The following SEC14L6 variants were observed in gnomAD, a reference collection of about 807,000 sequenced individuals.
SEC14L6 encodes the protein SEC14-like protein 6.
In SEC14L6, 40 loss-of-function variants were observed where a neutral mutation model predicts 54.1. That is an observed-to-expected ratio of 0.74 (90% confidence interval 0.57 to 0.96). The LOEUF (loss-of-function observed/expected upper bound fraction) is 0.96, where lower values mean the gene tolerates loss of function less well. SEC14L6 is among the 40% of genes least tolerant of loss of function. SEC14L6 has a pLI of 0.00. For missense variants in SEC14L6, 471 were observed against 498.3 expected (o/e 0.95, Z 0.52); for synonymous variants, 171 against 198.4 (o/e 0.86, Z 1.16).
chr22:30,541,984 G>A (rs1281532791), intron 1 of SEC14L6, among the ~76,000 whole-genome samples: 1 of 152,222 alleles, frequency 6.6e-6, no homozygotes, highest in Non-Finnish European at 1.5e-5. Context: ...CCTTGAGGAA[G>A]AAAACCAAGA....
chr22:30,532,083 A>G, intron 5 of SEC14L6, 85 bp from the exon 6 acceptor site: 1 of 1,499,044 alleles, frequency 6.7e-7, no homozygotes, highest in Non-Finnish European at 8.9e-7. Flanking sequence ...AGCCCAGGGC[A>G]CTGGCCTGGC....
At chr22:30,528,984 G>T in intron 8 of SEC14L6, 103 bp downstream of exon 8, 1 of 1,019,308 alleles carries the variant, frequency 9.8e-7, no homozygotes, top group Non-Finnish European at 1.5e-6. Flanking sequence ...AACACCAGTT[G>T]GGTGCCCTAC....
chr22:30,536,372 C>T (rs1261891292), intron 2 of SEC14L6, among the ~76,000 whole-genome samples: 1 of 152,148 alleles, frequency 6.6e-6, no homozygotes, highest in African/African-American at 2.4e-5. Context: ...TCCAGCCCTA[C>T]CGCCCACCCC....
Position 30,530,368 on chromosome 22 carries a change from T to C in SEC14L6, c.520-1019A>G, listed in dbSNP as rs562890411. Among the ~76,000 whole-genome samples the C allele has an allele frequency of 2.7e-3, 404 of 152,250 alleles. 1 individual carries two copies. The highest frequency in any genetic ancestry group is 9.1e-3 in the African/African-American group (378 of 41,548). On this transcript the variant is annotated intron_variant, in intron 6 of 11. Transcript: ENST00000402034. ...GAGGCTGCAGTGAGCCACTGCACTC[T>C]AGCCTGGGCAACAGAGTGAGACTCC...
At chr22:30,528,986 G>A in intron 8 of SEC14L6, 101 bp downstream of exon 8, 1 of 1,046,376 alleles carries the variant, frequency 9.6e-7, no homozygotes. Context: ...CACCAGTTGG[G>A]TGCCCTACAC....
At position 30,542,576 on chromosome 22, in the gene SEC14L6, G is replaced by T. The variant is rs1010242021; in HGVS notation, c.55-3674C>A. The T allele has an allele frequency of 2.1e-6, 3 of 1,446,638 alleles. No homozygotes were observed. In the East Asian group the frequency reaches 7.8e-5, roughly 38 times the overall value. The allele number at this position is 1,446,638 out of a possible 1,614,324, so 89.6% of individuals were successfully genotyped here. ...GCGGGCGGCGTAGCCGCGGCCCATG[G>T]AGCCCGCGGGCCGGTCCCCGGCCGC... On this transcript the variant is annotated intron_variant, in intron 1 of 11. Coordinates refer to ENST00000402034, the MANE Select transcript of SEC14L6 (RefSeq NM_001193336.4).
At chr22:30,537,224 C>T (rs376037718) in intron 2 of SEC14L6, among the ~76,000 whole-genome samples, 1 of 152,126 alleles carries the variant, frequency 6.6e-6, no homozygotes, top group East Asian at 1.9e-4. Flanking sequence ...GTACTAAACT[C>T]CAGCACTAGG....
chr22:30,543,278 G>T (rs2085757119), intron 1 of SEC14L6: 4 of 1,586,682 alleles, frequency 2.5e-6, no homozygotes, highest in African/African-American at 1.3e-5. Context: ...ACCTTGCGGG[G>T]GGACTCTTTT....
At chr22:30,528,024 G>T (rs546148967) in intron 8 of SEC14L6, among the ~76,000 whole-genome samples, 71 of 151,456 alleles carry the variant, frequency 4.7e-4, no homozygotes, top group Middle Eastern at 3.4e-3. Context: ...ATTGTAGTTC[G>T]CTGGGTGACA....
At chr22:30,540,095 C>T (rs1160155010) in intron 1 of SEC14L6, among the ~76,000 whole-genome samples, 1 of 152,160 alleles carries the variant, frequency 6.6e-6, no homozygotes, top group Non-Finnish European at 1.5e-5. Flanking sequence ...TCCTTGGCCC[C>T]CCACCAAAAA....
chr22:30,536,097 A>T (rs1057311649), intron 2 of SEC14L6, among the ~76,000 whole-genome samples: 1 of 151,976 alleles, frequency 6.6e-6, no homozygotes, highest in South Asian at 2.1e-4. Flanking sequence ...CCTGGACTCA[A>T]TCAATCCTCC....
chr22:30,534,011 C>A lies in SEC14L6; in HGVS notation c.159G>T (p.Glu53Asp), dbSNP rs1186876825. The A allele has an allele frequency of 1.3e-6, 2 of 1,550,676 alleles. No homozygotes were observed. The highest frequency in any genetic ancestry group is 2.7e-5 in the African/African-American group (2 of 73,052). ...QARSFDLQKS[E>D]DMLRKHMEFR... ...TCAACCTCACCTTCCTCAGCATGTC[C>A]TCTGATTTCTGCAGGTCAAAGCTCC... is the stretch of plus-strand genomic sequence containing the variant. Residue 53 changes from glutamate to aspartate, a missense_variant, in exon 3 of 12, where the codon GAG becomes GAT. By Grantham distance (45) the Glu-to-Asp change is conservative. Transcript: ENST00000402034.
In SEC14L6 at chr22:30,523,461, T is replaced by G. The variant is rs903889191; in HGVS notation, c.*1536A>C. The G allele has an allele frequency of 6.6e-6, 1 of 152,100 alleles. No individual in the cohort carries two copies. The highest frequency in any genetic ancestry group is 6.6e-5 in the Admixed American group (1 of 15,256). 9.4% of individuals were successfully genotyped at this position (152,100 alleles called of 1,614,324 possible). ...CCTCCGCCTCCTGGGTTCCACAGAT[T>G]CTCCCACCTCAGCCTCCCAAGTAGC... is the stretch of plus-strand genomic sequence containing the variant. On this transcript the variant is annotated 3_prime_UTR_variant, in exon 12 of 12. Transcript: ENST00000402034.
At chr22:30,526,375 G>A (rs972402533) in intron 8 of SEC14L6, among the ~76,000 whole-genome samples, 1 of 152,206 alleles carries the variant, frequency 6.6e-6, no homozygotes, top group African/African-American at 2.4e-5. Context: ...CCTCAGAATT[G>A]CAGGGCCAAG....
intron 1 of SEC14L6, chr22:30,542,632 G>A: frequency 1.3e-6 from 2 of 1,542,242 alleles, no homozygotes; most frequent in Non-Finnish European, 1.7e-6. Context: ...GCTGCTCCCC[G>A]CGTCCTGCGC....
chr22:30,543,139 C>A, intron 1 of SEC14L6: 1 of 1,603,602 alleles, frequency 6.2e-7, no homozygotes, highest in Non-Finnish European at 8.5e-7. Context: ...TGGGAATCAG[C>A]TCTCAGACTT....
chr22:30,543,560 G>T, intron 1 of SEC14L6: 2 of 1,613,656 alleles, frequency 1.2e-6, no homozygotes, highest in Non-Finnish European at 1.7e-6. Flanking sequence ...AAGCTCACCT[G>T]CCAGGTGGAG....
chr22:30,530,585 G>C (rs540020568), intron 6 of SEC14L6, among the ~76,000 whole-genome samples: 4 of 152,306 alleles, frequency 2.6e-5, no homozygotes, highest in Admixed American at 2.6e-4. Flanking sequence ...ATTTTGTAGA[G>C]ATAGGGTCTT....
rs571891845 is a variant in SEC14L6, at chr22:30,535,736, G to A, written c.131-1697C>T. Among the ~76,000 whole-genome samples, 7 of 152,206 alleles carry A rather than the reference G, an allele frequency of 4.6e-5. No homozygotes were observed. In the South Asian group the frequency reaches 1.5e-3, roughly 32 times the overall value. On this transcript the variant is annotated intron_variant, in intron 2 of 11. Transcript: ENST00000402034. Reference sequence around the variant, plus strand: ...GTTTGTTTATTTGTTTTTGAGACAAGGTTTTGCTCTGTCACCCAGGCTGGA... The same window carrying A: ...GTTTGTTTATTTGTTTTTGAGACAAAGTTTTGCTCTGTCACCCAGGCTGGA...
Sources: allele counts gnomAD v4.1 joint callset (sites outside exome capture counted in the v4.1 genomes callset), GRCh38; gene constraint gnomAD v4.1.1; transcripts MANE v1.5; gene names NCBI Gene and HGNC (gene_info 2026-07-23, HGNC 2026-07-21).